Variants in C8orf34 observed in about 807,000 individuals in gnomAD.
C8orf34 encodes the protein uncharacterized protein C8orf34.
Under a neutral mutation model 68.3 loss-of-function variants are expected in C8orf34, and 65 were observed. That is an observed-to-expected ratio of 0.95 (90% CI 0.78 to 1.17). The LOEUF (loss-of-function observed/expected upper bound fraction) is 1.17, where lower values mean the gene tolerates loss of function less well. Among genes scored for constraint, C8orf34 ranks in the 50% most tolerant of loss-of-function variants. The probability of loss-of-function intolerance (pLI) is 0.00; values close to 1 mark genes in which losing one functional copy is unlikely to be tolerated. For missense variants in C8orf34, 664 were observed against 655.4 expected (o/e 1.01, Z -0.14); for synonymous variants, 244 against 241.2 (o/e 1.01, Z -0.11).
intron 7 of C8orf34, among the ~76,000 whole-genome samples, chr8:68,636,394 T>C (rs1350828891): frequency 6.7e-6 from 1 of 148,188 alleles, no homozygotes; most frequent in East Asian, 2.0e-4. Flanking sequence ...GCTAACACAG[T>C]GAAACCCTGC....
intron 7 of C8orf34, chr8:68,534,386 A>C (rs1419498836): frequency 1.1e-6 from 1 of 940,214 alleles, no homozygotes; most frequent in Admixed American, 6.2e-5. Context: ...CTCTATGCTA[A>C]GCACTTGGCT....
At chr8:68,397,686 C>T (rs548173953) in intron 1 of C8orf34, among the ~76,000 whole-genome samples, 9 of 152,234 alleles carry the variant, frequency 5.9e-5, no homozygotes, top group African/African-American at 2.2e-4. Context: ...TTGGGATGCA[C>T]ATTTTTACGT....
At position 68,744,360 on chromosome 8, in the gene C8orf34, A is replaced by G. The variant is rs548121030; in HGVS notation, c.1404+22923A>G. On this transcript the variant is annotated intron_variant, in intron 10 of 13. Coordinates refer to ENST00000518698, the MANE Select transcript of C8orf34 (RefSeq NM_052958.4). ...CTCCAAAGGAATGCAGTTTCTCACCAGCAACGGAACAAAGCTGGACGGAGA... is the reference window on the plus strand; with the variant it reads ...CTCCAAAGGAATGCAGTTTCTCACCGGCAACGGAACAAAGCTGGACGGAGA... 2.4e-3 allele frequency among the ~76,000 whole-genome samples: 361 copies of G among 152,388 alleles called. 4 individuals are homozygous for G. Among genetic ancestry groups the G allele is most frequent in the African/African-American group, 8.5e-3 (354 of 41,596 alleles).
intron 8 of C8orf34, among the ~76,000 whole-genome samples, chr8:68,670,500 C>T (rs1344017672): frequency 6.6e-6 from 1 of 152,164 alleles, no homozygotes; most frequent in Non-Finnish European, 1.5e-5. Context: ...CCTGGAAGAC[C>T]TTCTCTGTGT....
intron 4 of C8orf34, among the ~76,000 whole-genome samples, chr8:68,483,473 G>A (rs954234409): frequency 6.6e-6 from 1 of 152,132 alleles, no homozygotes; most frequent in Non-Finnish European, 1.5e-5. Flanking sequence ...TATATCATAG[G>A]GAAAGGGCAT....
intron 1 of C8orf34, among the ~76,000 whole-genome samples, chr8:68,403,352 G>A (rs1001358231): frequency 6.6e-6 from 1 of 151,950 alleles, no homozygotes; most frequent in African/African-American, 2.4e-5. Flanking sequence ...TACTACACAT[G>A]AGTGATTCAG....
At chr8:68,542,662 G>A (rs1815740789) in intron 7 of C8orf34, among the ~76,000 whole-genome samples, 1 of 152,076 alleles carries the variant, frequency 6.6e-6, no homozygotes, top group South Asian at 2.1e-4. Context: ...GAATGTGAGT[G>A]GAGTTATTTT....
intron 3 of C8orf34, among the ~76,000 whole-genome samples, chr8:68,465,948 TAATAAAATAAAATAA>T (rs61338754): frequency 4.7e-5 from 7 of 148,278 alleles, no homozygotes; most frequent in Non-Finnish European, 7.4e-5. Context: ...ACTTAAAGTA[TAATAAAATAAAATAA>T]AATAAAATAA....
intron 10 of C8orf34, among the ~76,000 whole-genome samples, chr8:68,739,836 G>A (rs564971827): frequency 6.6e-5 from 10 of 152,224 alleles, no homozygotes; most frequent in African/African-American, 2.4e-4. Context: ...AAAGCTGGAG[G>A]CATCATGCTA....
chr8:68,618,967 A>C (rs891970670), intron 7 of C8orf34, among the ~76,000 whole-genome samples: 2 of 152,172 alleles, frequency 1.3e-5, no homozygotes, highest in Non-Finnish European at 2.9e-5. Context: ...CAATGGAAAG[A>C]GATAGTTACT....
At chr8:68,687,592 C>A (rs182716831) in intron 8 of C8orf34, among the ~76,000 whole-genome samples, 1 of 152,086 alleles carries the variant, frequency 6.6e-6, no homozygotes, top group East Asian at 1.9e-4. Context: ...CCCCATCTCT[C>A]ACCTTATAAA....
In C8orf34 at chr8:68,694,253, C is replaced by A. The variant is rs185265358; in HGVS notation, c.1242-14741C>A. Among the ~76,000 whole-genome samples, 5 of 149,730 alleles carry A rather than the reference C, an allele frequency of 3.3e-5. No individual in the cohort carries two copies. The East Asian group carries it at 5.8e-4, about 17-fold the overall frequency. On this transcript the variant is annotated intron_variant, in intron 8 of 13. Coordinates refer to ENST00000518698, the MANE Select transcript of C8orf34 (RefSeq NM_052958.4). The stretch of plus-strand genomic sequence containing the variant: ...AGTGCATCTGGCTTCCCTATGCCCC[C>A]CTTGGGAATATTTTTTAAAAAGTGT...
intron 8 of C8orf34, among the ~76,000 whole-genome samples, chr8:68,655,172 C>T (rs1474335637): frequency 6.6e-6 from 1 of 151,964 alleles, no homozygotes; most frequent in Non-Finnish European, 1.5e-5. Context: ...TAGGTATTTA[C>T]ATATTCTATA....
At position 68,599,339 on chromosome 8, in the gene C8orf34, A is replaced by G. The variant is rs1817631904; in HGVS notation, c.1106-41037A>G. ...AGTGAAAATCCTAACATGCTTTTAA[A>G]AATAAAAAATGCTAAGGAGTTGCTA... On this transcript the variant is annotated intron_variant, in intron 7 of 13. Coordinates refer to ENST00000518698, the MANE Select transcript of C8orf34 (RefSeq NM_052958.4). Among the ~76,000 whole-genome samples, 2 of 152,088 alleles carry G rather than the reference A, an allele frequency of 1.3e-5. 1 individual carries two copies. The highest frequency in any genetic ancestry group is 4.1e-4 in the South Asian group (2 of 4,834).
At position 68,556,881 on chromosome 8, in the gene C8orf34, C is replaced by T. The variant is rs988530911; in HGVS notation, c.1105+23732C>T. ...GTTGATTCTAGTAGCCATATATACTCCCTTTTTAAATTTTTCATTCTTTCA... is the reference window on the plus strand; with the variant it reads ...GTTGATTCTAGTAGCCATATATACTTCCTTTTTAAATTTTTCATTCTTTCA... On this transcript the variant is annotated intron_variant, in intron 7 of 13. Coordinates refer to ENST00000518698, the MANE Select transcript of C8orf34 (RefSeq NM_052958.4). 2.6e-5 allele frequency among the ~76,000 whole-genome samples: 4 copies of T among 152,170 alleles called. No homozygotes were observed. In the East Asian group the frequency reaches 7.8e-4, roughly 29 times the overall value.
chr8:68,535,096 T>C, intron 7 of C8orf34: 5 of 985,134 alleles, frequency 5.1e-6, no homozygotes, highest in Non-Finnish European at 6.0e-6. Context: ...ACAAGTCCAC[T>C]GGACTTTATC....
chr8:68,522,062 GT>G, intron 6 of C8orf34, 91 bp downstream of exon 6: 1 of 1,194,268 alleles, frequency 8.4e-7, no homozygotes, highest in Non-Finnish European at 1.2e-6. Context: ...TATGAAATCC[GT>G]TTTAGTAATT....
At chr8:68,797,137 C>G (rs1045685603) in intron 12 of C8orf34, among the ~76,000 whole-genome samples, 1 of 152,060 alleles carries the variant, frequency 6.6e-6, no homozygotes, top group Non-Finnish European at 1.5e-5. Flanking sequence ...TATTTGAGTT[C>G]TTGTAGAATG....
At chr8:68,353,640 TA>T (rs1563371147) in intron 1 of C8orf34, among the ~76,000 whole-genome samples, 93 of 47,028 alleles carry the variant, frequency 2.0e-3, no homozygotes, top group African/African-American at 3.4e-3. Flanking sequence ...ATATATATTA[TA>T]TATATATATA....
Sources: allele counts gnomAD v4.1 joint callset (sites outside exome capture counted in the v4.1 genomes callset), GRCh38; gene constraint gnomAD v4.1.1; transcripts MANE v1.5; gene names NCBI Gene and HGNC (gene_info 2026-07-23, HGNC 2026-07-21).